The following SUCLG2 variants were observed in gnomAD, a reference collection of about 807,000 sequenced individuals.
The protein encoded by SUCLG2 is succinate--CoA ligase [GDP-forming] subunit beta, mitochondrial.
Under a neutral mutation model 47.9 loss-of-function variants are expected in SUCLG2, and 42 were observed. The observed-to-expected ratio is 0.88, with a 90% CI of 0.69 to 1.14. The LOEUF is 1.14. Ranked by LOEUF, SUCLG2 falls within the 50% of genes most tolerant of loss-of-function variation. The pLI is 0.00. For missense variants in SUCLG2, 571 were observed against 525.9 expected (o/e 1.09, Z -0.84); for synonymous variants, 195 against 197.3 (o/e 0.99, Z 0.10).
chr3:67,623,009 A>G (rs181776530), intron 1 of SUCLG2, among the ~76,000 whole-genome samples: 199 of 152,330 alleles, frequency 1.3e-3, no homozygotes, highest in African/African-American at 4.2e-3. Context: ...GTCTCTGCTC[A>G]CTTGTGGCAC....
At chr3:67,462,163 A>ATCTC (rs138933638) in intron 9 of SUCLG2, among the ~76,000 whole-genome samples, 2 of 149,660 alleles carry the variant, frequency 1.3e-5, no homozygotes, top group Non-Finnish European at 3.0e-5. Flanking sequence ...TCAAAAAACA[A>ATCTC]TCTCTCTCTC....
intron 9 of SUCLG2, among the ~76,000 whole-genome samples, chr3:67,412,370 A>G (rs534114087): frequency 9.9e-5 from 15 of 152,144 alleles, no homozygotes; most frequent in Non-Finnish European, 2.1e-4. Flanking sequence ...GGATTCCAGA[A>G]TATCATATTC....
At chr3:67,363,579 T>A (rs1701837683) in intron 10 of SUCLG2, among the ~76,000 whole-genome samples, 1 of 152,194 alleles carries the variant, frequency 6.6e-6, no homozygotes, top group African/African-American at 2.4e-5. Context: ...CATCTCTCTA[T>A]CTAGGCATTG....
At chr3:67,534,141 T>C (rs1706474753) in intron 2 of SUCLG2, among the ~76,000 whole-genome samples, 2 of 152,118 alleles carry the variant, frequency 1.3e-5, no homozygotes, top group African/African-American at 4.8e-5. Flanking sequence ...TAGGAAGTTA[T>C]CCAGGGAGAT....
At chr3:67,390,664 T>A (rs74963481) in intron 10 of SUCLG2, among the ~76,000 whole-genome samples, 1 of 151,728 alleles carries the variant, frequency 6.6e-6, no homozygotes, top group East Asian at 1.9e-4. Context: ...TTTTTTTTTT[T>A]CCTTTTTGAA....
chr3:67,401,766 A>ACC (rs1702688721), intron 9 of SUCLG2, among the ~76,000 whole-genome samples: 1 of 152,186 alleles, frequency 6.6e-6, no homozygotes, highest in Non-Finnish European at 1.5e-5. Flanking sequence ...TCACAATTAA[A>ACC]TTATGCCACA....
intron 9 of SUCLG2, 100 bp from the exon 10 acceptor site, chr3:67,400,951 GTTTT>G (rs1190054602): frequency 4.0e-5 from 61 of 1,514,462 alleles, no homozygotes; most frequent in Non-Finnish European, 5.2e-5. Context: ...AAGACTGCTC[GTTTT>G]TTTGTTTTTG....
intron 10 of SUCLG2, among the ~76,000 whole-genome samples, chr3:67,394,821 C>A (rs1408244531): frequency 6.6e-6 from 1 of 151,936 alleles, no homozygotes; most frequent in Non-Finnish European, 1.5e-5. Context: ...AACAGCGGAT[C>A]TCTCGGCAGA....
At chr3:67,612,301 G>A (rs555739055) in intron 1 of SUCLG2, among the ~76,000 whole-genome samples, 1 of 151,568 alleles carries the variant, frequency 6.6e-6, no homozygotes, top group Non-Finnish European at 1.5e-5. Context: ...TGAGGCTGCA[G>A]TGAGCTATGA....
chr3:67,533,650 A>G (rs1001020044), intron 2 of SUCLG2, among the ~76,000 whole-genome samples: 4 of 152,206 alleles, frequency 2.6e-5, no homozygotes, highest in Admixed American at 1.3e-4. Context: ...GAGATAAGTT[A>G]GAGGCCTTGG....
intron 2 of SUCLG2, among the ~76,000 whole-genome samples, chr3:67,598,152 T>C (rs1485385043): frequency 6.6e-6 from 1 of 151,998 alleles, no homozygotes; most frequent in African/African-American, 2.4e-5. Flanking sequence ...AGCTAATTTT[T>C]TTGTATTTTA....
chr3:67,428,218 C>T (rs1442508786), intron 9 of SUCLG2, among the ~76,000 whole-genome samples: 1 of 152,202 alleles, frequency 6.6e-6, no homozygotes, highest in African/African-American at 2.4e-5. Flanking sequence ...ACACCTCATA[C>T]AGCAGGGTGC....
At chr3:67,408,844 T>C in intron 9 of SUCLG2, 1 of 1,423,738 alleles carries the variant, frequency 7.0e-7, no homozygotes, top group Non-Finnish European at 9.1e-7. Context: ...GGTGTCAAGA[T>C]TTAAATTAAG....
intron 2 of SUCLG2, among the ~76,000 whole-genome samples, chr3:67,596,807 A>C (rs1708304517): frequency 6.6e-6 from 1 of 152,200 alleles, no homozygotes; most frequent in African/African-American, 2.4e-5. Context: ...TATAACACAC[A>C]CAACACTGGC....
At chr3:67,563,344 A>G (rs1707357455) in intron 2 of SUCLG2, among the ~76,000 whole-genome samples, 1 of 152,150 alleles carries the variant, frequency 6.6e-6, no homozygotes, top group Admixed American at 6.5e-5. Flanking sequence ...GTCATGTGTA[A>G]AATGCTCTAT....
intron 10 of SUCLG2, among the ~76,000 whole-genome samples, chr3:67,394,506 G>T (rs1702475286): frequency 1.3e-5 from 2 of 150,318 alleles, no homozygotes; most frequent in South Asian, 4.2e-4. Flanking sequence ...AAGCCTCCAA[G>T]AAATATGGGA....
intron 10 of SUCLG2, among the ~76,000 whole-genome samples, chr3:67,393,245 G>A (rs1295428380): frequency 6.6e-6 from 1 of 152,256 alleles, no homozygotes; most frequent in Non-Finnish European, 1.5e-5. Flanking sequence ...AGTGCAAGGG[G>A]TCAGGGAGTT....
At chr3:67,413,206 A>G (rs1702966303) in intron 9 of SUCLG2, among the ~76,000 whole-genome samples, 1 of 152,218 alleles carries the variant, frequency 6.6e-6, no homozygotes, top group African/African-American at 2.4e-5. Flanking sequence ...GGTCCTGTCC[A>G]TTACAAATGA....
At chr3:67,530,566 C>G (rs975881836) in intron 2 of SUCLG2, among the ~76,000 whole-genome samples, 1 of 152,150 alleles carries the variant, frequency 6.6e-6, no homozygotes, top group Non-Finnish European at 1.5e-5. Flanking sequence ...ATCATCAAGG[C>G]AATGGGGAGC....
Sources: allele counts gnomAD v4.1 joint callset (sites outside exome capture counted in the v4.1 genomes callset), GRCh38; gene constraint gnomAD v4.1.1; transcripts MANE v1.5; gene names NCBI Gene and HGNC (gene_info 2026-07-23, HGNC 2026-07-21).